RASA1: variants seen among roughly 807,000 people sequenced by gnomAD.
The protein encoded by RASA1 is ras GTPase-activating protein 1.
In RASA1, 25 loss-of-function variants were observed where a neutral mutation model predicts 132.2. The ratio of observed to expected loss-of-function variants is 0.19; its 90% CI spans 0.14 to 0.26. The LOEUF is 0.26. Ranked by LOEUF, RASA1 falls within the 10% of genes least tolerant of loss-of-function variation. The probability of loss-of-function intolerance (pLI) is 1.00; values close to 1 mark genes in which losing one functional copy is unlikely to be tolerated. For missense variants in RASA1, 964 were observed against 1,299.2 expected, an observed-to-expected ratio of 0.74 and a Z score of 3.97; for synonymous variants, 477 against 449.9, an observed-to-expected ratio of 1.06 and a Z score of -0.76.
At chr5:87,279,220 G>A (rs900291131) in intron 1 of RASA1, among the ~76,000 whole-genome samples, 52 of 152,284 alleles carry the variant, frequency 3.4e-4, no homozygotes, top group Non-Finnish European at 6.0e-4. Flanking sequence ...TCCAGCCTGG[G>A]TGACAGAATG....
At chr5:87,366,388 G>GA (rs751407670) in intron 11 of RASA1, 1 of 428,214 alleles carries the variant, frequency 2.3e-6, no homozygotes, top group South Asian at 1.7e-5. Flanking sequence ...ACAATCAAAA[G>GA]AAAGGTCCAC....
Position 87,356,723 on chromosome 5 carries a change from A to C in RASA1, c.1332+3488A>C, listed in dbSNP as rs114860103. On this transcript the variant is annotated intron_variant, in intron 9 of 24. Coordinates refer to ENST00000274376, the MANE Select transcript of RASA1 (RefSeq NM_002890.3). ...TTTAAATTAACACGTGTACATTGTT[A>C]GACATAATGCTATTACACACTTAGT... Among the ~76,000 whole-genome samples the C allele has an allele frequency of 9.2e-3, 1,400 of 152,328 alleles. 28 individuals carry two copies. The highest frequency in any genetic ancestry group is 0.031 in the African/African-American group (1,301 of 41,570).
At position 87,338,090 on chromosome 5, in the gene RASA1, T is replaced by TTTA. The variant is rs765244832; in HGVS notation, c.1016_1017insTTA (p.Val339_Gly340insTer). 3.1e-6 allele frequency: 5 copies of TTTA among 1,611,794 alleles called. No individual in the cohort carries two copies. Among genetic ancestry groups the TTTA allele is most frequent in the Non-Finnish European group, 4.2e-6 (5 of 1,178,844 alleles). On this transcript the variant is annotated stop_gained and inframe_insertion and splice_region_variant, in exon 5 of 25. Coordinates refer to ENST00000274376, the MANE Select transcript of RASA1 (RefSeq NM_002890.3). LOFTEE classifies it high-confidence loss of function. Reference sequence around the variant, plus strand: ...ATTGTTGAAGACCTAGTAGAAGAGGTGGTAAGTTTTGTTCTTTTCTTCTCA... The same window carrying TTTA: ...ATTGTTGAAGACCTAGTAGAAGAGGTTTAGGTAAGTTTTGTTCTTTTCTTCTCA...
intron 8 of RASA1, 87 bp from the exon 9 acceptor site, chr5:87,353,070 A>C: frequency 9.6e-7 from 1 of 1,045,182 alleles, no homozygotes; most frequent in Admixed American, 2.0e-5. Flanking sequence ...CTAATTAGAT[A>C]ATCCTTGGCA....
intron 1 of RASA1, among the ~76,000 whole-genome samples, chr5:87,319,859 C>T (rs1489736876): frequency 6.6e-6 from 1 of 152,192 alleles, no homozygotes; most frequent in Non-Finnish European, 1.5e-5. Context: ...GGTGAGGCTG[C>T]AAAATTTCCA....
At chr5:87,333,404 T>A (rs1200919772) in intron 4 of RASA1, 67 bp downstream of exon 4, 1 of 1,589,818 alleles carries the variant, frequency 6.3e-7, no homozygotes, top group Non-Finnish European at 8.5e-7. Flanking sequence ...TTATTACTCT[T>A]GGACTAGGAA....
At chr5:87,340,341 A>G (rs1034619027) in intron 5 of RASA1, among the ~76,000 whole-genome samples, 2 of 152,082 alleles carry the variant, frequency 1.3e-5, no homozygotes, top group African/African-American at 4.8e-5. Flanking sequence ...TCTAAAATTA[A>G]TAATTGTGTA....
intron 1 of RASA1, among the ~76,000 whole-genome samples, chr5:87,324,169 C>G (rs1307554053): frequency 6.6e-6 from 1 of 152,052 alleles, no homozygotes; most frequent in East Asian, 1.9e-4. Context: ...TAAGAAAAAC[C>G]CAACTATAAG....
chr5:87,315,066 TA>T (rs1223382395), intron 1 of RASA1, among the ~76,000 whole-genome samples: 1 of 152,210 alleles, frequency 6.6e-6, no homozygotes, highest in Non-Finnish European at 1.5e-5. Context: ...AGTTTTATAT[TA>T]AAATGGATAT....
At chr5:87,336,051 G>T (rs1261534409) in intron 4 of RASA1, among the ~76,000 whole-genome samples, 2 of 152,156 alleles carry the variant, frequency 1.3e-5, no homozygotes, top group African/African-American at 2.4e-5. Flanking sequence ...CTTAGGTGAA[G>T]CCAGATTTTC....
intron 11 of RASA1, among the ~76,000 whole-genome samples, chr5:87,365,563 TGAAAA>T (rs951910087): frequency 2.0e-5 from 3 of 152,152 alleles, no homozygotes; most frequent in Non-Finnish European, 2.9e-5. Flanking sequence ...AGGAGGTTCT[TGAAAA>T]GAACATAATG....
chr5:87,279,987 T>C (rs1433479403), intron 1 of RASA1, among the ~76,000 whole-genome samples: 2 of 152,226 alleles, frequency 1.3e-5, no homozygotes, highest in Non-Finnish European at 2.9e-5. Context: ...GCCTGAGTCC[T>C]GGAGTCCAGA....
At chr5:87,334,812 A>G (rs1378494688) in intron 4 of RASA1, among the ~76,000 whole-genome samples, 1 of 152,244 alleles carries the variant, frequency 6.6e-6, no homozygotes, top group Non-Finnish European at 1.5e-5. Flanking sequence ...GGAAGTATGT[A>G]TAAAACACTT....
At chr5:87,332,036 A>T (rs1356384503) in intron 2 of RASA1, among the ~76,000 whole-genome samples, 1 of 152,180 alleles carries the variant, frequency 6.6e-6, no homozygotes, top group Non-Finnish European at 1.5e-5. Context: ...ATAGTGTTAA[A>T]TGATAAAATG....
chr5:87,315,629 A>G (rs924591844), intron 1 of RASA1, among the ~76,000 whole-genome samples: 2 of 152,222 alleles, frequency 1.3e-5, no homozygotes, highest in African/African-American at 4.8e-5. Context: ...CCTAGAGTAA[A>G]TATAGAATAC....
Position 87,376,464 on chromosome 5 carries a change from C to T in RASA1, c.2083C>T (p.His695Tyr), listed in dbSNP as rs1283751031. 1 of 1,614,002 alleles carries T rather than the reference C, an allele frequency of 6.2e-7. No individual in the cohort carries two copies. Among genetic ancestry groups the T allele is most frequent in the Admixed American group, 1.7e-5 (1 of 60,014 alleles). ...AGATGAATGGTTTCTGCTCAGCTCCCATATACCATTAAAAGGTATTGAACC... is the reference window on the plus strand; with the variant it reads ...AGATGAATGGTTTCTGCTCAGCTCCTATATACCATTAAAAGGTATTGAACC... ...ATDEWFLLSS[H>Y]IPLKGIEPGS... is the part of the protein sequence containing the mutation. Residue 695 changes from histidine to tyrosine, a missense_variant, in exon 16 of 25, where the codon CAT becomes TAT. By Grantham distance (83) the His-to-Tyr change is moderately conservative (BLOSUM62 2). Transcript: ENST00000274376.
At chr5:87,303,090 A>T (rs933282637) in intron 1 of RASA1, among the ~76,000 whole-genome samples, 1 of 152,068 alleles carries the variant, frequency 6.6e-6, no homozygotes, top group African/African-American at 2.4e-5. Context: ...TACATGTGTG[A>T]GTTTGTTACA....
intron 23 of RASA1, among the ~76,000 whole-genome samples, chr5:87,387,642 A>G (rs909895161): frequency 2.0e-5 from 3 of 152,126 alleles, no homozygotes; most frequent in Non-Finnish European, 2.9e-5. Flanking sequence ...TGAGGTGTCC[A>G]TGTTCTGTCT....
intron 4 of RASA1, among the ~76,000 whole-genome samples, chr5:87,336,536 G>T (rs1268910551): frequency 1.3e-5 from 2 of 151,912 alleles, no homozygotes; most frequent in Admixed American, 6.6e-5. Flanking sequence ...CTGTTTTAGG[G>T]GGGATAACAC....
Sources: gnomAD v4.1 joint callset for allele counts (sites outside exome capture counted in the v4.1 genomes callset) on GRCh38, gnomAD v4.1.1 for gene constraint, MANE v1.5 for transcripts, NCBI Gene and HGNC (gene_info 2026-07-23, HGNC 2026-07-21) for gene names.